The following C1orf105 variants were observed in gnomAD, a reference collection of about 807,000 sequenced individuals.
C1orf105 encodes the protein uncharacterized protein C1orf105.
Under a neutral mutation model 20.8 loss-of-function variants are expected in C1orf105, and 17 were observed. That is an observed-to-expected ratio of 0.82 (90% CI 0.56 to 1.23). The LOEUF is 1.23. Among genes scored for constraint, C1orf105 ranks in the 50% most tolerant of loss-of-function variants. The pLI, the probability that C1orf105 is intolerant of heterozygous loss-of-function variation, is 0.00. For synonymous variants in C1orf105, 72 were observed against 72.1 expected, an observed-to-expected ratio of 1.00 and a Z score of 0.01; for missense variants, 219 against 213.5, an observed-to-expected ratio of 1.03 and a Z score of -0.16.
intron 1 of C1orf105, chr1:172,430,384 C>T (rs1396064964): frequency 1.6e-6 from 1 of 644,660 alleles, no homozygotes; most frequent in South Asian, 1.7e-5. Context: ...CTCTGGATTG[C>T]TTGACATTTT....
chr1:172,438,437 A>T (rs2072112119), intron 1 of C1orf105, among the ~76,000 whole-genome samples: 1 of 152,208 alleles, frequency 6.6e-6, no homozygotes, highest in African/African-American at 2.4e-5. Context: ...AGCGGAGCAA[A>T]TAACTGCAGA....
intron 3 of C1orf105, among the ~76,000 whole-genome samples, chr1:172,449,797 G>T (rs895361639): frequency 1.3e-5 from 2 of 152,228 alleles, no homozygotes; most frequent in East Asian, 3.8e-4. Flanking sequence ...GGTGGGGGAT[G>T]AGCGGGGAGG....
At position 172,433,267 on chromosome 1, in the gene C1orf105, C is replaced by T. The variant is rs534322883; in HGVS notation, c.22-11806C>T. Among the ~76,000 whole-genome samples the T allele has an allele frequency of 2.6e-5, 4 of 152,110 alleles. No homozygotes were observed. In the South Asian group the frequency reaches 6.2e-4, roughly 24 times the overall value. ...AATACACAGAACACCACAAAGATAC[C>T]CCTTGAGAAGAGCAACCCCAAGACA... On this transcript the variant is annotated intron_variant, in intron 1 of 6. Transcript: ENST00000367727.
intron 3 of C1orf105, 115 bp downstream of exon 3, chr1:172,448,646 C>A: frequency 1.6e-6 from 1 of 614,480 alleles, no homozygotes; most frequent in Non-Finnish European, 2.9e-6. Context: ...CATCAATGTT[C>A]AATAAATATT....
chr1:172,455,984 T>C (rs146767461), intron 3 of C1orf105, among the ~76,000 whole-genome samples: 153 of 152,278 alleles, frequency 1.0e-3, no homozygotes, highest in African/African-American at 3.4e-3. Context: ...CTTCATTCTT[T>C]CTTAGGCCAT....
chr1:172,425,312 T>C (rs189935526), intron 1 of C1orf105, among the ~76,000 whole-genome samples: 176 of 152,320 alleles, frequency 1.2e-3, no homozygotes, highest in African/African-American at 3.8e-3. Flanking sequence ...AAATGGCTGC[T>C]TCCTGACTAC....
chr1:172,447,363 C>T (rs1648128970), intron 2 of C1orf105, among the ~76,000 whole-genome samples: 1 of 152,176 alleles, frequency 6.6e-6, no homozygotes, highest in Non-Finnish European at 1.5e-5. Context: ...CCTGTACTGA[C>T]CCACTTCCTT....
intron 1 of C1orf105, chr1:172,441,852 C>T (rs1281177535): frequency 6.2e-7 from 1 of 1,614,154 alleles, no homozygotes; most frequent in African/African-American, 1.3e-5. Context: ...TAGACATCAG[C>T]AGAAGGGCAA....
intron 2 of C1orf105, among the ~76,000 whole-genome samples, chr1:172,448,162 T>C (rs1648221345): frequency 6.6e-6 from 1 of 152,226 alleles, no homozygotes; most frequent in South Asian, 2.1e-4. Flanking sequence ...ATTTCGCTCA[T>C]TACACATCTA....
chr1:172,432,922 A>G (rs114309391), intron 1 of C1orf105, among the ~76,000 whole-genome samples: 2 of 152,234 alleles, frequency 1.3e-5, no homozygotes, highest in African/African-American at 4.8e-5. Flanking sequence ...CAAGACCTCA[A>G]ATGACCTGAT....
intron 1 of C1orf105, among the ~76,000 whole-genome samples, chr1:172,429,124 T>C (rs940418430): frequency 1.3e-5 from 2 of 152,192 alleles, no homozygotes; most frequent in African/African-American, 4.8e-5. Flanking sequence ...GTTGGTAACA[T>C]AGCCTTAGGC....
chr1:172,465,084 G>A (rs1649944303), intron 5 of C1orf105, among the ~76,000 whole-genome samples: 1 of 152,076 alleles, frequency 6.6e-6, no homozygotes, highest in Admixed American at 6.6e-5. Context: ...TCAGGAGGCT[G>A]AGGCAGGAGA....
chr1:172,462,091 C>A, intron 4 of C1orf105, 87 bp from the exon 5 acceptor site: 1 of 1,002,262 alleles, frequency 1.0e-6, no homozygotes, highest in Non-Finnish European at 1.5e-6. Context: ...ACATCAAATA[C>A]AACACAAATT....
chr1:172,424,968 G>C (rs542857163), intron 1 of C1orf105, among the ~76,000 whole-genome samples: 6 of 152,228 alleles, frequency 3.9e-5, no homozygotes, highest in Non-Finnish European at 8.8e-5. Context: ...AGCCAACAGA[G>C]CTTGTAAAGT....
intron 5 of C1orf105, among the ~76,000 whole-genome samples, chr1:172,462,827 C>T (rs981662060): frequency 6.6e-6 from 1 of 152,148 alleles, no homozygotes; most frequent in Non-Finnish European, 1.5e-5. Context: ...GGCTGCAGTG[C>T]AGTGGCGCAA....
chr1:172,445,168 C>G lies in C1orf105; in HGVS notation c.107+10C>G, dbSNP rs1485519659. The G allele has an allele frequency of 6.2e-7, 1 of 1,604,470 alleles. No individual in the cohort carries two copies. The highest frequency in any genetic ancestry group is 8.5e-7 in the Non-Finnish European group (1 of 1,174,622). The stretch of plus-strand genomic sequence containing the variant: ...TCAGCCTTCCCAGAAGGTAACCTCT[C>G]AGCCACCGAGGGCAAAAGTTTTACG... On this transcript the variant is annotated intron_variant, in intron 2 of 6. Coordinates refer to ENST00000367727, the MANE Select transcript of C1orf105 (RefSeq NM_139240.4).
intron 3 of C1orf105, among the ~76,000 whole-genome samples, chr1:172,455,969 C>G (rs1007242685): frequency 1.3e-5 from 2 of 152,146 alleles, no homozygotes; most frequent in African/African-American, 2.4e-5. Context: ...GAAGAGAAGT[C>G]TTCTCTTCAT....
intron 1 of C1orf105, chr1:172,444,055 C>A: frequency 1.0e-6 from 1 of 999,372 alleles, no homozygotes; most frequent in African/African-American, 1.7e-5. Context: ...TTCGGGGCGC[C>A]GGGGCTGCGA....
At chr1:172,439,041 A>G (rs979748201) in intron 1 of C1orf105, among the ~76,000 whole-genome samples, 17 of 152,358 alleles carry the variant, frequency 1.1e-4, no homozygotes, top group African/African-American at 3.4e-4. Flanking sequence ...AATTTTATAC[A>G]CACTGGAAAA....
Sources: allele counts gnomAD v4.1 joint callset (sites outside exome capture counted in the v4.1 genomes callset), GRCh38; gene constraint gnomAD v4.1.1; transcripts MANE v1.5; gene names NCBI Gene and HGNC (gene_info 2026-07-23, HGNC 2026-07-21).